RGS20: variants seen among roughly 807,000 people sequenced by gnomAD.
The protein encoded by RGS20 is regulator of G protein signaling 20.
Under a neutral mutation model 33.6 loss-of-function variants are expected in RGS20, and 30 were observed. The observed-to-expected ratio is 0.89, with a 90% CI of 0.67 to 1.21. The LOEUF (loss-of-function observed/expected upper bound fraction) is 1.21. Ranked by LOEUF, RGS20 falls within the 50% of genes most tolerant of loss-of-function variation. The pLI is 0.00. For synonymous variants in RGS20, 208 were observed against 197.9 expected, an observed-to-expected ratio of 1.05 and a Z score of -0.43; for missense variants, 472 against 502.4, an observed-to-expected ratio of 0.94 and a Z score of 0.58.
At chr8:53,912,231 A>T (rs1813364497) in intron 2 of RGS20, among the ~76,000 whole-genome samples, 1 of 152,102 alleles carries the variant, frequency 6.6e-6, no homozygotes, top group African/African-American at 2.4e-5. Flanking sequence ...AGTTCTATTG[A>T]TGAAGGAACC....
intron 1 of RGS20, among the ~76,000 whole-genome samples, chr8:53,855,231 A>T (rs957128851): frequency 6.6e-6 from 1 of 151,904 alleles, no homozygotes; most frequent in African/African-American, 2.4e-5. Flanking sequence ...CACCCAGCTA[A>T]TTTTTGTATT....
chr8:53,879,461 G>A lies in RGS20; in HGVS notation c.369G>A (p.Leu123=), dbSNP rs936392431. The change falls in exon 2 of 6, where the codon CTG becomes CTA. Residue 123 remains leucine (L), a synonymous_variant. Coordinates refer to ENST00000297313, the MANE Select transcript of RGS20 (RefSeq NM_170587.4). ...GGCTCTCGAGGGGGCACGAGGAGCT[G>A]CCGGGCCGCCTCTCGCTCCTGCTCG... 2 of 1,589,958 alleles carry A rather than the reference G, an allele frequency of 1.3e-6. No homozygotes were observed. Among genetic ancestry groups the A allele is most frequent in the Admixed American group, 1.8e-5 (1 of 56,990 alleles).
chr8:53,860,515 A>C (rs1163943533), intron 1 of RGS20, among the ~76,000 whole-genome samples: 1 of 152,254 alleles, frequency 6.6e-6, no homozygotes. Flanking sequence ...AATAGCAAGG[A>C]GGCAGGAGGC....
intron 2 of RGS20, among the ~76,000 whole-genome samples, chr8:53,911,818 G>A (rs768975654): frequency 6.6e-6 from 1 of 152,114 alleles, no homozygotes; most frequent in Non-Finnish European, 1.5e-5. Context: ...GTGTGTGCCG[G>A]TAATCCCAGC....
chr8:53,896,444 C>T (rs980797671), intron 2 of RGS20, among the ~76,000 whole-genome samples: 2 of 152,264 alleles, frequency 1.3e-5, no homozygotes, highest in East Asian at 3.9e-4. Flanking sequence ...GACCAGGAGG[C>T]CTGCAAAGTG....
At chr8:53,884,023 C>G (rs997968479) in intron 2 of RGS20, among the ~76,000 whole-genome samples, 2 of 151,548 alleles carry the variant, frequency 1.3e-5, no homozygotes, top group Non-Finnish European at 2.9e-5. Context: ...GCTCTTATAA[C>G]GGGATGGCAC....
intron 1 of RGS20, among the ~76,000 whole-genome samples, chr8:53,853,599 T>C (rs1032392284): frequency 6.6e-6 from 1 of 152,218 alleles, no homozygotes; most frequent in Non-Finnish European, 1.5e-5. Context: ...AGAGGAGACA[T>C]GTGCCTCATC....
intron 4 of RGS20, among the ~76,000 whole-genome samples, chr8:53,953,568 G>A (rs775021595): frequency 1.3e-5 from 2 of 151,538 alleles, no homozygotes; most frequent in South Asian, 4.2e-4. Flanking sequence ...ACAGTACAGC[G>A]GTGGCATTTA....
intron 5 of RGS20, among the ~76,000 whole-genome samples, chr8:53,955,069 CCA>C (rs948043631): frequency 6.6e-6 from 1 of 150,760 alleles, no homozygotes; most frequent in Non-Finnish European, 1.5e-5. Context: ...CTCTGCAGGT[CCA>C]CAGTCAAAGG....
Position 53,851,928 on chromosome 8 carries a change from A to T in RGS20, c.29A>T (p.Glu10Val). 6.2e-7 allele frequency: 1 copy of T among 1,614,156 alleles called. No homozygotes were observed. Among genetic ancestry groups the T allele is most frequent in the Non-Finnish European group, 8.5e-7 (1 of 1,180,014 alleles). Reference sequence around the variant, plus strand: ...CCCCAGCTTTCCCAAGATAACCAAGAGTGCCTCCAGAAACATTTCTCCAGG... The same window carrying T: ...CCCCAGCTTTCCCAAGATAACCAAGTGTGCCTCCAGAAACATTTCTCCAGG... The change falls in exon 1 of 6, where the codon GAG becomes GTG. Residue 10 changes from glutamate to valine, a missense_variant. Around this residue, in one of 3 missense-constraint regions of RGS20, gnomAD observed 28 missense variants for 49.6 expected, o/e 0.57. Transcript: ENST00000297313.
intron 4 of RGS20, among the ~76,000 whole-genome samples, chr8:53,947,788 C>T (rs1222142911): frequency 1.5e-5 from 2 of 131,318 alleles, no homozygotes; most frequent in African/African-American, 5.5e-5. Flanking sequence ...ATAGTATATA[C>T]ATTTATATAT....
At chr8:53,858,798 GT>G (rs1175755051) in intron 1 of RGS20, among the ~76,000 whole-genome samples, 2 of 148,956 alleles carry the variant, frequency 1.3e-5, no homozygotes, top group African/African-American at 4.9e-5. Flanking sequence ...ATTTGCTGCA[GT>G]TAATGTGGCC....
chr8:53,938,896 T>C (rs145822481), intron 2 of RGS20, among the ~76,000 whole-genome samples: 162 of 152,318 alleles, frequency 1.1e-3, no homozygotes, highest in African/African-American at 3.3e-3. Context: ...AGGGTGACCA[T>C]CCCTGGTACG....
intron 2 of RGS20, chr8:53,914,791 T>C (rs1280806848): frequency 6.6e-6 from 1 of 152,018 alleles, no homozygotes; most frequent in Admixed American, 6.6e-5. Context: ...TGCGCGAGGA[T>C]GACATGCAAA....
intron 3 of RGS20, among the ~76,000 whole-genome samples, chr8:53,943,046 C>T (rs995264265): frequency 6.6e-6 from 1 of 151,964 alleles, no homozygotes; most frequent in African/African-American, 2.4e-5. Context: ...TAAAGCAATA[C>T]ATGTTACATA....
intron 2 of RGS20, among the ~76,000 whole-genome samples, chr8:53,894,488 C>T (rs7838182): frequency 2.6e-5 from 4 of 152,182 alleles, no homozygotes; most frequent in South Asian, 2.1e-4. Context: ...TGTGGGACAA[C>T]GTAATGCCCT....
chr8:53,922,032 T>A (rs1813663290), intron 2 of RGS20, among the ~76,000 whole-genome samples: 1 of 152,188 alleles, frequency 6.6e-6, no homozygotes, highest in Admixed American at 6.5e-5. Context: ...TATAGTGTCC[T>A]GATGTCCTCT....
At chr8:53,895,797 A>G (rs1372199634) in intron 2 of RGS20, among the ~76,000 whole-genome samples, 2 of 151,758 alleles carry the variant, frequency 1.3e-5, no homozygotes, top group African/African-American at 4.8e-5. Flanking sequence ...GGCACCCGGA[A>G]CCATGCCTGG....
chr8:53,874,604 G>A lies in RGS20; in HGVS notation c.166-4654G>A, dbSNP rs1053464918. 3.3e-5 allele frequency among the ~76,000 whole-genome samples: 5 copies of A among 152,288 alleles called. No homozygotes were observed. In the East Asian group the frequency reaches 9.6e-4, roughly 29 times the overall value. ...CAGAACAGTTGGAAACTCAGTCAGC[G>A]TTTCCATGTTGCAATCTTGAGGCCA... On this transcript the variant is annotated intron_variant, in intron 1 of 5. Transcript: ENST00000297313.
Sources: allele counts gnomAD v4.1 joint callset (sites outside exome capture counted in the v4.1 genomes callset), GRCh38; gene constraint gnomAD v4.1.1; regional missense constraint gnomAD v4.1.1; transcripts MANE v1.5; gene names NCBI Gene and HGNC (gene_info 2026-07-23, HGNC 2026-07-21).